Variants in BMI1 observed in about 807,000 individuals in gnomAD.
BMI1 encodes the protein BMI1 proto-oncogene, polycomb ring finger.
In BMI1, 9 loss-of-function variants were observed where a neutral mutation model predicts 39.1. The observed-to-expected ratio is 0.23, with a 90% confidence interval of 0.14 to 0.40. The LOEUF (loss-of-function observed/expected upper bound fraction) is 0.40, where lower values mean the gene tolerates loss of function less well. Ranked by LOEUF, BMI1 falls within the 10% of genes least tolerant of loss-of-function variation. The pLI, the probability that BMI1 is intolerant of heterozygous loss-of-function variation, is 1.00. For missense variants in BMI1, 252 were observed against 390.8 expected (o/e 0.64, Z 2.99); for synonymous variants, 131 against 127.9 (o/e 1.02, Z -0.16).
chr10:22,323,724 C>A (rs1564349114), intron 1 of BMI1, among the ~76,000 whole-genome samples: 1 of 152,222 alleles, frequency 6.6e-6, no homozygotes, highest in Non-Finnish European at 1.5e-5. Context: ...GAGTGTGTTA[C>A]AATGGCAAGT....
chr10:22,328,235 T>C, intron 7 of BMI1, 56 bp downstream of exon 7: 1 of 1,547,894 alleles, frequency 6.5e-7, no homozygotes, highest in South Asian at 1.3e-5. Flanking sequence ...ATCCAGATTT[T>C]ATCAGGGATT....
At position 22,329,422 on chromosome 10, in the gene BMI1, T is replaced by G; in HGVS notation, c.861T>G (p.Pro287=). 1.2e-6 allele frequency: 2 copies of G among 1,614,154 alleles called. No homozygotes were observed. The highest frequency in any genetic ancestry group is 1.7e-6 in the Non-Finnish European group (2 of 1,180,022). The change falls in exon 10 of 10, where the codon CCT becomes CCG. Residue 287 remains proline (P), a synonymous_variant. Transcript: ENST00000376663. ...TGCAGTCTCCTCATCCACAGTTTCC[T>G]CACATTTCCAGTACTATGAATGGAA... ...TPVQSPHPQF[P]HISSTMNGTS...
Position 22,327,659 on chromosome 10 carries a change from C to T in BMI1, c.265+9C>T. The T allele has an allele frequency of 1.2e-6, 2 of 1,612,994 alleles. No individual in the cohort carries two copies. Among genetic ancestry groups the T allele is most frequent in the Non-Finnish European group, 1.7e-6 (2 of 1,179,418 alleles). Reference sequence around the variant, plus strand: ...TCCAGGGCTTTTCAAAAGTGAGTAACTTGCTTAGAAAATGAATTTAAAGAG... The same window carrying T: ...TCCAGGGCTTTTCAAAAGTGAGTAATTTGCTTAGAAAATGAATTTAAAGAG... On this transcript the variant is annotated intron_variant, in intron 4 of 9. Coordinates refer to ENST00000376663, the MANE Select transcript of BMI1 (RefSeq NM_005180.9).
chr10:22,325,263 G>A (rs1226819097), intron 1 of BMI1, among the ~76,000 whole-genome samples: 1 of 152,200 alleles, frequency 6.6e-6, no homozygotes, highest in Non-Finnish European at 1.5e-5. Context: ...GAGCCCTGAC[G>A]GTTTCGGGCT....
intron 1 of BMI1, chr10:22,325,843 C>T (rs2132003834): frequency 6.6e-6 from 1 of 152,258 alleles, no homozygotes; most frequent in Non-Finnish European, 1.5e-5. Context: ...CCGCCGCGCT[C>T]AGGCCCCGGC....
At position 22,330,181 on chromosome 10, in the gene BMI1, T is replaced by A. The variant is rs886984481; in HGVS notation, c.*639T>A. On this transcript the variant is annotated 3_prime_UTR_variant, in exon 10 of 10. Coordinates refer to ENST00000376663, the MANE Select transcript of BMI1 (RefSeq NM_005180.9). ...CTACCGTTTATTTTACTGACTTGTT[T>A]AAATGATTCGCTTTTGTAAGAATCA... 4 of 153,014 alleles carry A rather than the reference T, an allele frequency of 2.6e-5. No homozygotes were observed. Among genetic ancestry groups the A allele is most frequent in the Non-Finnish European group, 2.9e-5 (2 of 68,296 alleles). The allele number at this position is 153,014 out of a possible 1,614,324, so 9.5% of individuals were successfully genotyped here.
In BMI1 at chr10:22,326,218, G is replaced by C. The variant is rs983282532; in HGVS notation, c.-19-213G>C. The C allele has an allele frequency of 5.4e-6, 3 of 555,374 alleles. No individual in the cohort carries two copies. The African/African-American group carries it at 5.8e-5, about 11-fold the overall frequency. The allele number at this position is 555,374 out of a possible 1,614,324, so 34.4% of individuals were successfully genotyped here. On this transcript the variant is annotated intron_variant, in intron 1 of 9. Coordinates refer to ENST00000376663, the MANE Select transcript of BMI1 (RefSeq NM_005180.9). ...TCTTCTACCTACAGGAATGATCTGAGAGACCAGAAGTAATGTTAGTTGGAT... is the reference window on the plus strand; with the variant it reads ...TCTTCTACCTACAGGAATGATCTGACAGACCAGAAGTAATGTTAGTTGGAT...
Position 22,326,320 on chromosome 10 carries a change from G to A in BMI1, c.-19-111G>A, listed in dbSNP as rs1836149703. The A allele has an allele frequency of 2.8e-6, 4 of 1,446,104 alleles. No individual in the cohort carries two copies. In the Admixed American group the frequency reaches 8.2e-5, roughly 30 times the overall value. The allele number at this position is 1,446,104 out of a possible 1,614,324, so 89.6% of individuals were successfully genotyped here. A position where few individuals can be genotyped will look rare whatever the true frequency, so the allele number is the denominator to read the frequency against. The stretch of plus-strand genomic sequence containing the variant: ...TCTGTAGAAACGTTAGGACAGCCCA[G>A]CTGTACAGTGTTAAATGAGTTTTAT... On this transcript the variant is annotated intron_variant, in intron 1 of 9. Coordinates refer to ENST00000376663, the MANE Select transcript of BMI1 (RefSeq NM_005180.9).
rs1405563239 is a variant in BMI1 at position 22,330,526 on chromosome 10, A to T, written c.*984A>T. ...TACTTTAAAGATTGTTGCAGTGAAG[A>T]AAAACCTTTAACTGAGAAATATGGA... On this transcript the variant is annotated 3_prime_UTR_variant, in exon 10 of 10. Coordinates refer to ENST00000376663, the MANE Select transcript of BMI1 (RefSeq NM_005180.9). The T allele has an allele frequency of 6.6e-6, 1 of 152,230 alleles. No individual in the cohort carries two copies. Among genetic ancestry groups the T allele is most frequent in the Non-Finnish European group, 1.5e-5 (1 of 68,006 alleles). 9.4% of individuals were successfully genotyped at this position (152,230 alleles called of 1,614,324 possible). A position where few individuals can be genotyped will look rare whatever the true frequency, so the allele number is the denominator to read the frequency against.
chr10:22,322,600 G>A (rs1167864816), intron 1 of BMI1, among the ~76,000 whole-genome samples: 2 of 152,178 alleles, frequency 1.3e-5, no homozygotes, highest in East Asian at 3.9e-4. Flanking sequence ...GTGACTGGAC[G>A]TTAGCTTTGC....
At chr10:22,325,662 C>T (rs1290876585) in intron 1 of BMI1, 1 of 148,546 alleles carries the variant, frequency 6.7e-6, no homozygotes. Context: ...CGCACGCCCG[C>T]CGAGGCTCGG....
At chr10:22,322,331 A>G (rs1171536766) in intron 1 of BMI1, among the ~76,000 whole-genome samples, 2 of 152,172 alleles carry the variant, frequency 1.3e-5, no homozygotes, top group African/African-American at 4.8e-5. Context: ...CCATCCCGCC[A>G]AGGTGGGTGT....
At chr10:22,325,061 A>T (rs1264027385) in intron 1 of BMI1, among the ~76,000 whole-genome samples, 1 of 152,212 alleles carries the variant, frequency 6.6e-6, no homozygotes, top group Non-Finnish European at 1.5e-5. Flanking sequence ...TACCGATTAA[A>T]GTACTTTTTC....
In BMI1 at chr10:22,331,398, C is replaced by T. The variant is rs1243409270; in HGVS notation, c.*1856C>T. On this transcript the variant is annotated 3_prime_UTR_variant, in exon 10 of 10. Transcript: ENST00000376663. ...TAGTGATGTGGCTAAGAAGTACATGCTTTGTTGTAAAATTGCTTGAAAGCC... is the reference window on the plus strand; with the variant it reads ...TAGTGATGTGGCTAAGAAGTACATGTTTTGTTGTAAAATTGCTTGAAAGCC... The T allele has an allele frequency of 6.6e-6, 1 of 152,100 alleles. No individual in the cohort carries two copies. Among genetic ancestry groups the T allele is most frequent in the African/African-American group, 2.4e-5 (1 of 41,434 alleles). 9.4% of individuals were successfully genotyped at this position (152,100 alleles called of 1,614,324 possible). A position where few individuals can be genotyped will look rare whatever the true frequency, so the allele number is the denominator to read the frequency against.
chr10:22,325,164 T>G (rs1366495007), intron 1 of BMI1, among the ~76,000 whole-genome samples: 1 of 152,252 alleles, frequency 6.6e-6, no homozygotes, highest in Non-Finnish European at 1.5e-5. Context: ...TTTCCAAAAC[T>G]TTGTATCGCT....
At chr10:22,323,477 T>C (rs1836058831) in intron 1 of BMI1, among the ~76,000 whole-genome samples, 1 of 152,244 alleles carries the variant, frequency 6.6e-6, no homozygotes, top group Admixed American at 6.5e-5. Context: ...ACTCTATCAC[T>C]AACTTCTTGG....
intron 7 of BMI1, 37 bp from the exon 8 acceptor site, chr10:22,328,562 AG>A: frequency 1.3e-6 from 2 of 1,571,016 alleles, no homozygotes. Context: ...CATATCTTAA[AG>A]TAACTGAAAA....
Position 22,329,826 on chromosome 10 carries a change from G to C in BMI1, c.*284G>C. On this transcript the variant is annotated 3_prime_UTR_variant, in exon 10 of 10. Transcript: ENST00000376663. ...AAATGGTTTCTGTAACCATTGTTTG[G>C]ATTTGGAAGTACTCTGCAGTGGACA... The C allele has an allele frequency of 5.2e-6, 2 of 382,920 alleles. No homozygotes were observed. Among genetic ancestry groups the C allele is most frequent in the East Asian group, 1.0e-4 (2 of 19,946 alleles). 23.7% of individuals were successfully genotyped at this position (382,920 alleles called of 1,614,324 possible). A position where few individuals can be genotyped will look rare whatever the true frequency, so the allele number is the denominator to read the frequency against.
In BMI1 at chr10:22,329,332, G is replaced by A. The variant is rs1836234065; in HGVS notation, c.771G>A (p.Lys257=). The part of the protein sequence containing the change: ...GELESDSGSD[K]ANSPAGGIPS... ...TGGAAAGTGACTCTGGGAGTGACAA[G>A]GCCAACAGCCCAGCAGGAGGTATTC... Residue 257 remains lysine, a synonymous_variant, in exon 10 of 10, where the codon AAG becomes AAA. Coordinates refer to ENST00000376663, the MANE Select transcript of BMI1 (RefSeq NM_005180.9). 1 of 1,614,166 alleles carries A rather than the reference G, an allele frequency of 6.2e-7. No homozygotes were observed. The highest frequency in any genetic ancestry group is 8.5e-7 in the Non-Finnish European group (1 of 1,180,022).
Sources: gnomAD v4.1 joint callset for allele counts (sites outside exome capture counted in the v4.1 genomes callset) on GRCh38, gnomAD v4.1.1 for gene constraint, MANE v1.5 for transcripts, NCBI Gene and HGNC (gene_info 2026-07-23, HGNC 2026-07-21) for gene names.